The following TET1 variants were observed in gnomAD, a reference collection of about 807,000 sequenced individuals.
The protein encoded by TET1 is methylcytosine dioxygenase TET1.
A neutral mutation model predicts 148.7 loss-of-function variants in TET1; 13 were observed. The observed-to-expected ratio is 0.09, with a 90% CI of 0.06 to 0.14. The LOEUF is 0.14. Among genes scored for constraint, TET1 ranks in the 10% least tolerant of loss-of-function variants. The pLI, the probability that TET1 is intolerant of heterozygous loss-of-function variation, is 1.00. For missense variants in TET1, 2,182 were observed against 2,553.8 expected (o/e 0.85, Z 3.14); for synonymous variants, 907 against 937.2 (o/e 0.97, Z 0.59).
intron 3 of TET1, among the ~76,000 whole-genome samples, chr10:68,627,521 G>A (rs1011521923): frequency 5.3e-5 from 8 of 152,098 alleles, no homozygotes; most frequent in African/African-American, 1.2e-4. Flanking sequence ...GCTTGAACCC[G>A]TGAGGCAGAG....
intron 2 of TET1, among the ~76,000 whole-genome samples, chr10:68,588,210 T>C (rs2053881150): frequency 6.6e-6 from 1 of 152,160 alleles, no homozygotes; most frequent in African/African-American, 2.4e-5. Context: ...CATGTTACCC[T>C]GGACTCAAGC....
chr10:68,632,889 G>A (rs567130835), intron 3 of TET1, among the ~76,000 whole-genome samples: 3 of 149,242 alleles, frequency 2.0e-5, no homozygotes, highest in African/African-American at 7.3e-5. Flanking sequence ...AACCAGATTT[G>A]TCATAGGAAG....
rs545421837 is a variant in TET1, at chr10:68,560,495, T to C, written c.-370T>C. Among the ~76,000 whole-genome samples, 93 of 152,264 alleles carry C rather than the reference T, an allele frequency of 6.1e-4. No homozygotes were observed. Among genetic ancestry groups the C allele is most frequent in the Non-Finnish European group, 1.1e-3 (72 of 68,002 alleles). Reference sequence around the variant, plus strand: ...GGGACACCCCTCTGCCTCGCCCAAGTCATGCAGCCCTACCTGCCTCTCCAC... The same window carrying C: ...GGGACACCCCTCTGCCTCGCCCAAGCCATGCAGCCCTACCTGCCTCTCCAC... On this transcript the variant is annotated 5_prime_UTR_variant, in exon 1 of 12. Coordinates refer to ENST00000373644, the MANE Select transcript of TET1 (RefSeq NM_030625.3).
chr10:68,619,862 G>C (rs898503400), intron 3 of TET1, among the ~76,000 whole-genome samples: 1 of 152,100 alleles, frequency 6.6e-6, no homozygotes. Context: ...GTCTCATTGA[G>C]ATATGATTTG....
intron 10 of TET1, among the ~76,000 whole-genome samples, chr10:68,684,374 A>C (rs1389617705): frequency 1.2e-5 from 1 of 83,608 alleles, no homozygotes; most frequent in Non-Finnish European, 2.4e-5. Context: ...AGCCACAACA[A>C]CTTTTTTTTT....
chr10:68,688,465 C>A (rs1177400104), intron 11 of TET1, among the ~76,000 whole-genome samples: 1 of 131,728 alleles, frequency 7.6e-6, no homozygotes, highest in East Asian at 2.2e-4. Context: ...GACAGAGTCT[C>A]GCTCTGTCTC....
At chr10:68,687,062 T>C (rs921240139) in intron 11 of TET1, among the ~76,000 whole-genome samples, 3 of 151,870 alleles carry the variant, frequency 2.0e-5, no homozygotes, top group Admixed American at 1.3e-4. Context: ...TAATTTTTTG[T>C]ATTTTTAGTA....
At position 68,645,932 on chromosome 10, in the gene TET1, C is replaced by T. The variant is rs375890512; in HGVS notation, c.3203C>T (p.Ala1068Val). Residue 1068 changes from alanine to valine, a missense_variant, in exon 4 of 12, where the codon GCA becomes GTA. By Grantham distance (64) the Ala-to-Val change is moderately conservative. This residue lies in a region of TET1 where 582 missense variants were observed against 599.5 expected (regional missense o/e 0.97). Transcript: ENST00000373644. Reference sequence around the variant, plus strand: ...TCAGATGATCTATCATGTCAGGATGCAACCCATACCCAAATTGAGGAAGAT... The same window carrying T: ...TCAGATGATCTATCATGTCAGGATGTAACCCATACCCAAATTGAGGAAGAT... ...LDSDDLSCQD[A>V]THTQIEEDVA... 6.2e-7 allele frequency: 1 copy of T among 1,613,834 alleles called. No homozygotes were observed. Among genetic ancestry groups the T allele is most frequent in the Non-Finnish European group, 8.5e-7 (1 of 1,180,012 alleles).
intron 1 of TET1, 53 bp from the exon 2 acceptor site, chr10:68,572,164 A>T (rs1590158409): frequency 1.7e-6 from 1 of 576,186 alleles, no homozygotes; most frequent in East Asian, 2.9e-5. Flanking sequence ...TATTTCAAAT[A>T]GGGGAATGCA....
At chr10:68,685,257 A>T (rs544807072) in intron 10 of TET1, among the ~76,000 whole-genome samples, 134 of 152,284 alleles carry the variant, frequency 8.8e-4, no homozygotes, top group African/African-American at 3.1e-3. Flanking sequence ...AAAAAAATGA[A>T]TTTTTTTAAC....
intron 2 of TET1, among the ~76,000 whole-genome samples, chr10:68,582,386 G>A (rs1243084988): frequency 1.3e-5 from 2 of 152,062 alleles, no homozygotes; most frequent in East Asian, 1.9e-4. Flanking sequence ...ATGAGCCACC[G>A]CACCTGGCCT....
intron 3 of TET1, among the ~76,000 whole-genome samples, chr10:68,640,687 G>A (rs1045279349): frequency 4.0e-5 from 6 of 149,760 alleles, no homozygotes; most frequent in Admixed American, 3.4e-4. Context: ...AAGTAGCTGG[G>A]ACTACAGGCG....
chr10:68,650,980 A>G (rs2054923576), intron 4 of TET1, among the ~76,000 whole-genome samples: 1 of 152,162 alleles, frequency 6.6e-6, no homozygotes, highest in African/African-American at 2.4e-5. Context: ...TGGTTTTTTA[A>G]TATAATGATA....
intron 3 of TET1, among the ~76,000 whole-genome samples, chr10:68,620,111 C>T (rs1232843029): frequency 6.6e-6 from 1 of 152,150 alleles, no homozygotes; most frequent in Non-Finnish European, 1.5e-5. Flanking sequence ...GAGAGAATTG[C>T]TTGAACACAG....
At position 68,690,911 on chromosome 10, in the gene TET1, C is replaced by A. The variant is rs144134861; in HGVS notation, c.5508C>A (p.Ser1836=). 1 of 1,614,090 alleles carries A rather than the reference C, an allele frequency of 6.2e-7. No individual in the cohort carries two copies. Among genetic ancestry groups the A allele is most frequent in the African/African-American group, 1.3e-5 (1 of 74,938 alleles). The part of the protein sequence containing the change: ...DNTKTYSLMP[S]APHPVKEASP... ...CTAAAACTTATTCGCTGATGCCATC[C>A]GCTCCTCACCCAGTGAAAGAGGCAT... The change falls in exon 12 of 12, where the codon TCC becomes TCA. Residue 1836 remains serine (S), a synonymous_variant. Transcript: ENST00000373644.
intron 6 of TET1, among the ~76,000 whole-genome samples, chr10:68,655,979 A>T (rs1456245719): frequency 6.6e-6 from 1 of 152,244 alleles, no homozygotes; most frequent in Admixed American, 6.5e-5. Context: ...AGACTCTCAT[A>T]GGACTGCAAA....
chr10:68,683,967 TG>T (rs1283691869), intron 10 of TET1, among the ~76,000 whole-genome samples: 1 of 152,236 alleles, frequency 6.6e-6, no homozygotes, highest in Non-Finnish European at 1.5e-5. Flanking sequence ...ATAGTATTTT[TG>T]TCTGTTTGCT....
intron 3 of TET1, among the ~76,000 whole-genome samples, chr10:68,643,999 G>A (rs2054801029): frequency 6.8e-6 from 1 of 147,672 alleles, no homozygotes; most frequent in Admixed American, 6.8e-5. Flanking sequence ...CTGCCTCCCG[G>A]GTTCAAGCGA....
intron 8 of TET1, 37 bp downstream of exon 8, chr10:68,673,082 A>T: frequency 6.3e-7 from 1 of 1,574,912 alleles, no homozygotes; most frequent in Non-Finnish European, 8.6e-7. Flanking sequence ...TTTATTTTTG[A>T]ATTACACATT....
Sources: gnomAD v4.1 joint callset for allele counts (sites outside exome capture counted in the v4.1 genomes callset) on GRCh38, gnomAD v4.1.1 for gene constraint, gnomAD v4.1.1 regional missense constraint, MANE v1.5 for transcripts, NCBI Gene and HGNC (gene_info 2026-07-23, HGNC 2026-07-21) for gene names.